Variants in TAFA5 observed in about 807,000 individuals in gnomAD.
TAFA5 encodes TAFA chemokine like family member 5.
In TAFA5, 6 loss-of-function variants were observed where a neutral mutation model predicts 15.3. The observed-to-expected ratio is 0.39, with a 90% CI of 0.21 to 0.77. TAFA5 has a LOEUF of 0.77. Ranked by LOEUF, TAFA5 falls within the 30% of genes least tolerant of loss-of-function variation. The probability of loss-of-function intolerance (pLI) is 0.41; values close to 1 mark genes in which losing one functional copy is unlikely to be tolerated. For synonymous variants in TAFA5, 103 were observed against 80.7 expected (o/e 1.28, Z -1.48); for missense variants, 161 against 193.1 (o/e 0.83, Z 0.98).
At chr22:48,671,271 C>T (rs2147222267) in intron 2 of TAFA5, among the ~76,000 whole-genome samples, 1 of 152,358 alleles carries the variant, frequency 6.6e-6, no homozygotes, top group South Asian at 2.1e-4. Flanking sequence ...GTGAGTCCTC[C>T]TCAATGTGCA....
chr22:48,647,143 C>T (rs915404442), intron 2 of TAFA5, among the ~76,000 whole-genome samples: 15 of 152,130 alleles, frequency 9.9e-5, no homozygotes, highest in East Asian at 1.9e-4. Context: ...AGGCTGCCAG[C>T]GGGACCTGGC....
rs1555899470 is a variant in TAFA5 at position 48,689,013 on chromosome 22, A to AAAG, written c.263-18704_263-18703insAAG. ...CTCGGAAAAAAAAAAAAAAAAAAAG[A>AAAG]GAGAGAAAACCTTTGTTGATGTGCT... On this transcript the variant is annotated intron_variant, in intron 2 of 3. Coordinates refer to ENST00000402357, the MANE Select transcript of TAFA5 (RefSeq NM_001082967.3). 3.0e-4 allele frequency among the ~76,000 whole-genome samples: 33 copies of AAAG among 111,486 alleles called. 2 individuals are homozygous for AAAG. Among genetic ancestry groups the AAAG allele is most frequent in the Non-Finnish European group, 3.8e-4 (23 of 60,320 alleles). The allele number at this position is 111,486 out of a possible 152,430, so 73.1% of individuals were successfully genotyped here.
intron 2 of TAFA5, among the ~76,000 whole-genome samples, chr22:48,680,941 C>A (rs375834132): frequency 9.2e-5 from 14 of 152,352 alleles, no homozygotes; most frequent in Middle Eastern, 3.4e-3. Flanking sequence ...CCAGGCCCAA[C>A]CTGCGCTCCC....
intron 1 of TAFA5, among the ~76,000 whole-genome samples, chr22:48,584,575 G>A (rs141728442): frequency 0.062 from 7,490 of 121,602 alleles, 434 homozygotes; most frequent in African/African-American, 0.17. Context: ...TGCACCACAC[G>A]ACACAAAATA....
chr22:48,737,191 C>G (rs977742888), intron 3 of TAFA5, among the ~76,000 whole-genome samples: 1 of 152,186 alleles, frequency 6.6e-6, no homozygotes, highest in African/African-American at 2.4e-5. Context: ...CCTGGCCACA[C>G]AGAGAGGCCT....
At chr22:48,516,545 G>A (rs561957862) in intron 1 of TAFA5, among the ~76,000 whole-genome samples, 5 of 152,368 alleles carry the variant, frequency 3.3e-5, no homozygotes, top group South Asian at 2.1e-4. Context: ...GCCTGGGAAC[G>A]CCTTGGAGAA....
chr22:48,724,790 GT>G (rs1357328903), intron 3 of TAFA5, among the ~76,000 whole-genome samples: 2 of 152,226 alleles, frequency 1.3e-5, no homozygotes, highest in Admixed American at 6.5e-5. Flanking sequence ...TGATCAGAGG[GT>G]TCACAGGCAG....
At chr22:48,695,259 A>G (rs1433098419) in intron 2 of TAFA5, among the ~76,000 whole-genome samples, 1 of 152,164 alleles carries the variant, frequency 6.6e-6, no homozygotes, top group African/African-American at 2.4e-5. Context: ...ATCACCAGCC[A>G]GATCTGGGAG....
At chr22:48,558,913 G>A (rs977502541) in intron 1 of TAFA5, among the ~76,000 whole-genome samples, 2 of 152,232 alleles carry the variant, frequency 1.3e-5, no homozygotes, top group African/African-American at 4.8e-5. Flanking sequence ...GGAGCATGGC[G>A]GGAAATTCAC....
chr22:48,728,367 G>A (rs1341264599), intron 3 of TAFA5, among the ~76,000 whole-genome samples: 3 of 152,246 alleles, frequency 2.0e-5, no homozygotes, highest in Non-Finnish European at 4.4e-5. Flanking sequence ...CACATGCAAT[G>A]TCTGAAGTCC....
chr22:48,535,319 T>C (rs1922117504), intron 1 of TAFA5, among the ~76,000 whole-genome samples: 1 of 152,192 alleles, frequency 6.6e-6, no homozygotes, highest in African/African-American at 2.4e-5. Context: ...GCATGTAAGA[T>C]GCACATTTAC....
intron 1 of TAFA5, among the ~76,000 whole-genome samples, chr22:48,518,862 C>G (rs936611600): frequency 6.6e-6 from 1 of 152,212 alleles, no homozygotes; most frequent in African/African-American, 2.4e-5. Flanking sequence ...GAGAACGGTA[C>G]TTTTCACTCA....
At chr22:48,524,018 T>C (rs1232743941) in intron 1 of TAFA5, among the ~76,000 whole-genome samples, 1 of 152,236 alleles carries the variant, frequency 6.6e-6, no homozygotes, top group African/African-American at 2.4e-5. Context: ...TGGCCTGTGA[T>C]GCCTGTCAGA....
At position 48,592,559 on chromosome 22, in the gene TAFA5, C is replaced by T. The variant is rs182280664; in HGVS notation, c.113-54038C>T. Among the ~76,000 whole-genome samples the T allele has an allele frequency of 1.7e-3, 263 of 152,274 alleles. 2 individuals are homozygous for T. The highest frequency in any genetic ancestry group is 6.1e-3 in the African/African-American group (252 of 41,566). ...TGATTTGGGCTGAAGAACCACGAAA[C>T]GGGTGCTCCGGGCACTGTCGTTTCT... On this transcript the variant is annotated intron_variant, in intron 1 of 3. Transcript: ENST00000402357.
chr22:48,511,191 T>G (rs1921197247), intron 1 of TAFA5, among the ~76,000 whole-genome samples: 1 of 152,002 alleles, frequency 6.6e-6, no homozygotes, highest in Non-Finnish European at 1.5e-5. Context: ...CCCCTGTCGC[T>G]TCTTCTTCAT....
chr22:48,508,494 G>A (rs57056380), intron 1 of TAFA5, among the ~76,000 whole-genome samples: 22 of 152,284 alleles, frequency 1.4e-4, no homozygotes, highest in East Asian at 1.2e-3. Context: ...GAGAGAAGGC[G>A]GTGGGCGCCC....
chr22:48,646,509 G>T, intron 1 of TAFA5, 88 bp from the exon 2 acceptor site: 1 of 1,512,538 alleles, frequency 6.6e-7, no homozygotes, highest in Non-Finnish European at 8.9e-7. Context: ...GCTGCTGGGG[G>T]CCCCTCTGTG....
At chr22:48,708,162 C>T (rs1294252439) in intron 3 of TAFA5, among the ~76,000 whole-genome samples, 11 of 152,198 alleles carry the variant, frequency 7.2e-5, no homozygotes, top group Non-Finnish European at 2.9e-5. Context: ...GTTTCCGGGA[C>T]TGATGTGCCC....
At chr22:48,692,758 G>A (rs994265459) in intron 2 of TAFA5, among the ~76,000 whole-genome samples, 3 of 152,330 alleles carry the variant, frequency 2.0e-5, no homozygotes, top group South Asian at 2.1e-4. Flanking sequence ...GCCTCGTGAC[G>A]GTGTGCAGGT....
Sources: gnomAD v4.1 joint callset for allele counts (sites outside exome capture counted in the v4.1 genomes callset) on GRCh38, gnomAD v4.1.1 for gene constraint, MANE v1.5 for transcripts, NCBI Gene and HGNC (gene_info 2026-07-23, HGNC 2026-07-21) for gene names.